Variants in ANK3 observed in about 807,000 individuals in gnomAD.
ANK3 encodes ankyrin-3.
In ANK3, 57 loss-of-function variants were observed where a neutral mutation model predicts 370.9. The ratio of observed to expected loss-of-function variants is 0.15; its 90% CI spans 0.12 to 0.19. ANK3 has a LOEUF of 0.19. ANK3 is among the 10% of genes least tolerant of loss of function. The pLI, the probability that ANK3 is intolerant of heterozygous loss-of-function variation, is 1.00. For synonymous variants in ANK3, 1,929 were observed against 1,946.3 expected, an observed-to-expected ratio of 0.99 and a Z score of 0.23; for missense variants, 4,439 against 5,302.1, an observed-to-expected ratio of 0.84 and a Z score of 5.06.
intron 2 of ANK3, among the ~76,000 whole-genome samples, chr10:60,542,002 C>A (rs531754014): frequency 2.6e-5 from 4 of 151,822 alleles, no homozygotes; most frequent in Admixed American, 6.6e-5. Flanking sequence ...CATAGATTAG[C>A]GTGCTCTTAA....
intron 2 of ANK3, among the ~76,000 whole-genome samples, chr10:60,469,396 T>A (rs2065127820): frequency 1.4e-4 from 2 of 14,550 alleles, no homozygotes; most frequent in African/African-American, 4.4e-4. Flanking sequence ...CCACTTTTAG[T>A]GTATATATAT....
chr10:60,151,997 T>G (rs1211762866), intron 23 of ANK3, among the ~76,000 whole-genome samples: 1 of 147,134 alleles, frequency 6.8e-6, no homozygotes, highest in Non-Finnish European at 1.5e-5. Flanking sequence ...CATAGAAAGA[T>G]TCAATCATGG....
intron 2 of ANK3, among the ~76,000 whole-genome samples, chr10:60,519,398 G>A (rs1473856610): frequency 6.6e-6 from 1 of 152,148 alleles, no homozygotes; most frequent in East Asian, 1.9e-4. Context: ...CCCAATGCTG[G>A]TGGAAATGTT....
intron 1 of ANK3, among the ~76,000 whole-genome samples, chr10:60,623,706 C>T (rs1194992322): frequency 1.3e-5 from 2 of 152,152 alleles, no homozygotes; most frequent in African/African-American, 4.8e-5. Flanking sequence ...GATGAAGGAC[C>T]TCAGCAGTAA....
chr10:60,566,591 C>A (rs2077467841), intron 2 of ANK3, among the ~76,000 whole-genome samples: 1 of 152,152 alleles, frequency 6.6e-6, no homozygotes, highest in Non-Finnish European at 1.5e-5. Context: ...CAGCCACTAG[C>A]CAGGCATGGT....
At chr10:60,320,935 G>A (rs1233907449) in intron 1 of ANK3, among the ~76,000 whole-genome samples, 5 of 152,116 alleles carry the variant, frequency 3.3e-5, no homozygotes, top group African/African-American at 1.2e-4. Context: ...AGCAAGCTCT[G>A]TCACTAAGTC....
Position 60,086,770 on chromosome 10 carries a change from T to C in ANK3, c.3655A>G (p.Thr1219Ala), listed in dbSNP as rs2086787246. Residue 1219 changes from threonine (T) to alanine (A), a missense_variant, in exon 30 of 44, where the codon ACC becomes GCC. Physicochemically the swap from Thr to Ala is moderately conservative, Grantham distance 58 (BLOSUM62 0). Coordinates refer to ENST00000280772, the MANE Select transcript of ANK3 (RefSeq NM_020987.5). ...CCTGAGGGCGGGGGCACCGGAATGG[T>C]CATTGTGATTGGTTTATGGAATTTC... Reference protein sequence around the residue: ...RRKFHKPITMTIPVPPPSGEG... With the variant: ...RRKFHKPITMAIPVPPPSGEG... 1.2e-6 allele frequency: 2 copies of C among 1,613,868 alleles called. No individual in the cohort carries two copies. Among genetic ancestry groups the C allele is most frequent in the African/African-American group, 2.7e-5 (2 of 74,866 alleles).
In ANK3 at chr10:60,056,014, T is replaced by C; in HGVS notation, c.12709A>G (p.Ile4237Val). The C allele has an allele frequency of 6.2e-7, 1 of 1,613,332 alleles. No individual in the cohort carries two copies. The highest frequency in any genetic ancestry group is 8.5e-7 in the Non-Finnish European group (1 of 1,179,868). Residue 4237 changes from isoleucine (I) to valine (V), a missense_variant, in exon 42 of 44, where the codon ATT (isoleucine) becomes GTT (valine). By Grantham distance (29) the Ile-to-Val change is conservative. Coordinates refer to ENST00000280772, the MANE Select transcript of ANK3 (RefSeq NM_020987.5). ...DDSPDQCRDSITSYLKGEAGK... is the reference protein window; with the variant it reads ...DDSPDQCRDSVTSYLKGEAGK... ...GCTTCTCCTTTGAGATATGAGGTAA[T>C]GGAATCTCTACACTGGTCAGGGCTG...
Position 60,086,712 on chromosome 10 carries a change from G to C in ANK3, c.3713C>G (p.Thr1238Ser). ...ACAGAGAAGACGCAGATTGGGTGTA[G>C]TGTCCCCTTTGTATCCATTGGATAC... Reference protein sequence around the residue: ...EGVSNGYKGDTTPNLRLLCSI... With the variant: ...EGVSNGYKGDSTPNLRLLCSI... The change falls in exon 30 of 44, where the codon ACT becomes AGT. Residue 1238 changes from threonine to serine, a missense_variant. Around this residue, in one of 13 missense-constraint regions of ANK3, gnomAD observed 702 missense variants for 941.5 expected, o/e 0.75. Coordinates refer to ENST00000280772, the MANE Select transcript of ANK3 (RefSeq NM_020987.5). The C allele has an allele frequency of 6.2e-7, 1 of 1,614,024 alleles. No homozygotes were observed. Among genetic ancestry groups the C allele is most frequent in the Non-Finnish European group, 8.5e-7 (1 of 1,179,968 alleles).
At chr10:60,323,355 C>T (rs1205911919) in intron 1 of ANK3, among the ~76,000 whole-genome samples, 1 of 152,150 alleles carries the variant, frequency 6.6e-6, no homozygotes, top group Non-Finnish European at 1.5e-5. Context: ...CATACACAGG[C>T]CAAGTAGGCT....
chr10:60,376,061 G>C (rs1459079483), intron 1 of ANK3, among the ~76,000 whole-genome samples: 1 of 152,120 alleles, frequency 6.6e-6, no homozygotes, highest in Non-Finnish European at 1.5e-5. Flanking sequence ...GGCTCAGAGA[G>C]CTTAAGTAAC....
At chr10:60,452,705 A>G (rs544221346) in intron 2 of ANK3, among the ~76,000 whole-genome samples, 1 of 152,182 alleles carries the variant, frequency 6.6e-6, no homozygotes, top group African/African-American at 2.4e-5. Context: ...TTAAAATAAT[A>G]TTTCCAAAAG....
At chr10:60,140,975 T>C (rs574490936) in intron 23 of ANK3, 1 of 984,786 alleles carries the variant, frequency 1.0e-6, no homozygotes, top group African/African-American at 1.8e-5. Flanking sequence ...AGGCGGGGAG[T>C]GGCATGGAGC....
chr10:60,712,890 A>T (rs538532396), intron 1 of ANK3, among the ~76,000 whole-genome samples: 17 of 152,344 alleles, frequency 1.1e-4, no homozygotes, highest in Non-Finnish European at 2.4e-4. Context: ...TGATAAAAAG[A>T]TCAATATTCT....
At chr10:60,154,850 C>G (rs2095278023) in intron 23 of ANK3, among the ~76,000 whole-genome samples, 1 of 145,476 alleles carries the variant, frequency 6.9e-6, no homozygotes, top group Non-Finnish European at 1.5e-5. Flanking sequence ...CGAGAATACA[C>G]TGATACGTTT....
chr10:60,606,698 A>T (rs545401970), intron 2 of ANK3, among the ~76,000 whole-genome samples: 1 of 152,274 alleles, frequency 6.6e-6, no homozygotes, highest in South Asian at 2.1e-4. Flanking sequence ...GGGAGCATGG[A>T]ATTCACAGAA....
intron 1 of ANK3, among the ~76,000 whole-genome samples, chr10:60,358,818 G>T (rs1448427795): frequency 1.3e-5 from 2 of 151,762 alleles, no homozygotes; most frequent in African/African-American, 2.4e-5. Context: ...CTTTGCACTT[G>T]TTGTTCCTTC....
At chr10:60,415,967 T>C (rs2063659603) in intron 2 of ANK3, among the ~76,000 whole-genome samples, 1 of 127,748 alleles carries the variant, frequency 7.8e-6, no homozygotes, top group Non-Finnish European at 1.6e-5. Context: ...CTCAATGTGA[T>C]GGTATAAGGA....
At chr10:60,524,049 C>T (rs965715958) in intron 2 of ANK3, among the ~76,000 whole-genome samples, 3 of 152,056 alleles carry the variant, frequency 2.0e-5, no homozygotes, top group Non-Finnish European at 1.5e-5. Flanking sequence ...TACTCACATT[C>T]TATTCCTTCT....
Sources: allele counts gnomAD v4.1 joint callset (sites outside exome capture counted in the v4.1 genomes callset), GRCh38; gene constraint gnomAD v4.1.1; regional missense constraint gnomAD v4.1.1; transcripts MANE v1.5; gene names NCBI Gene and HGNC (gene_info 2026-07-23, HGNC 2026-07-21).